The following AXDND1 variants were observed in gnomAD, a reference collection of about 807,000 sequenced individuals.
AXDND1 encodes axonemal dynein light chain domain containing 1.
AXDND1 carries 110 observed loss-of-function variants against 137.5 expected under a neutral mutation model. That is an observed-to-expected ratio of 0.80 (90% CI 0.69 to 0.94). The LOEUF is 0.94. AXDND1 is among the 40% of genes least tolerant of loss of function. The probability of loss-of-function intolerance (pLI) is 0.00; values close to 1 mark genes in which losing one functional copy is unlikely to be tolerated. For synonymous variants in AXDND1, 414 were observed against 399.7 expected, an observed-to-expected ratio of 1.04 and a Z score of -0.43; for missense variants, 1,191 against 1,169.8, an observed-to-expected ratio of 1.02 and a Z score of -0.26.
At chr1:179,479,475 CA>C (rs55719902) in intron 17 of AXDND1, among the ~76,000 whole-genome samples, 21 of 133,566 alleles carry the variant, frequency 1.6e-4, no homozygotes, top group East Asian at 2.2e-4. Context: ...AACTCTGTCT[CA>C]AAAAAAAAAA....
intron 9 of AXDND1, among the ~76,000 whole-genome samples, chr1:179,387,741 C>T (rs1445508501): frequency 6.6e-6 from 1 of 152,200 alleles, no homozygotes; most frequent in African/African-American, 2.4e-5. Flanking sequence ...CAAGACAAAA[C>T]TTTTCTGTGT....
chr1:179,529,155 A>G (rs1020930469), intron 23 of AXDND1, among the ~76,000 whole-genome samples: 1 of 152,238 alleles, frequency 6.6e-6, no homozygotes, highest in Non-Finnish European at 1.5e-5. Flanking sequence ...GCTCTAGATC[A>G]GTGTCTTACT....
intron 21 of AXDND1, among the ~76,000 whole-genome samples, chr1:179,513,277 A>T (rs1404023481): frequency 6.6e-6 from 1 of 152,156 alleles, no homozygotes; most frequent in Non-Finnish European, 1.5e-5. Context: ...TCATAAAGGG[A>T]TGCTGGATTT....
intron 12 of AXDND1, among the ~76,000 whole-genome samples, chr1:179,421,346 C>T (rs1166860079): frequency 1.4e-5 from 2 of 145,452 alleles, no homozygotes; most frequent in Non-Finnish European, 1.5e-5. Flanking sequence ...TTCTTCCTTC[C>T]TTCCTTTTCT....
At chr1:179,477,799 C>T (rs1309934069) in intron 17 of AXDND1, among the ~76,000 whole-genome samples, 2 of 152,218 alleles carry the variant, frequency 1.3e-5, no homozygotes, top group Non-Finnish European at 2.9e-5. Context: ...TCCAAAGTCT[C>T]ATCCAAGACA....
At chr1:179,383,306 C>A in intron 7 of AXDND1, 136 bp from the exon 8 acceptor site, 1 of 618,774 alleles carries the variant, frequency 1.6e-6, no homozygotes, top group Non-Finnish European at 2.8e-6. Flanking sequence ...TTAATAGACA[C>A]AGGTCTAATG....
chr1:179,516,339 T>A (rs933587777), intron 21 of AXDND1, among the ~76,000 whole-genome samples: 4 of 152,192 alleles, frequency 2.6e-5, no homozygotes, highest in Non-Finnish European at 5.9e-5. Context: ...TTTCCTTGAA[T>A]ATTTCTCCCT....
At chr1:179,440,120 A>G (rs2125346244) in intron 15 of AXDND1, among the ~76,000 whole-genome samples, 1 of 152,314 alleles carries the variant, frequency 6.6e-6, no homozygotes, top group Non-Finnish European at 1.5e-5. Context: ...TTGGCTTCCT[A>G]TACCCCCTTT....
rs575381824 is a variant in AXDND1 at position 179,466,400 on chromosome 1, T to C, written c.1799-2043T>C. Among the ~76,000 whole-genome samples, 69 of 151,256 alleles carry C rather than the reference T, an allele frequency of 4.6e-4. 3 individuals are homozygous for C. The South Asian group carries it at 0.015, about 32-fold the overall frequency. ...TTGACCTCTCAAAGTGCTGGGATTA[T>C]AGGCATGAGCCACTGCGCTGGGCCT... On this transcript the variant is annotated intron_variant, in intron 16 of 25. Transcript: ENST00000367618.
chr1:179,475,483 G>A (rs1373641047), intron 17 of AXDND1, among the ~76,000 whole-genome samples: 1 of 152,216 alleles, frequency 6.6e-6, no homozygotes, highest in South Asian at 2.1e-4. Context: ...TTATTTAGAA[G>A]CTTTAAGATT....
chr1:179,407,050 G>A (rs1166774487), intron 11 of AXDND1, among the ~76,000 whole-genome samples: 1 of 151,908 alleles, frequency 6.6e-6, no homozygotes, highest in African/African-American at 2.4e-5. Flanking sequence ...ACACTGATGT[G>A]TTTGCATGAT....
chr1:179,505,874 G>T (rs1668493427), intron 20 of AXDND1, among the ~76,000 whole-genome samples: 1 of 152,174 alleles, frequency 6.6e-6, no homozygotes, highest in Non-Finnish European at 1.5e-5. Context: ...GGCATAGCTT[G>T]ATCCAGTCTG....
At chr1:179,476,211 A>G (rs560835380) in intron 17 of AXDND1, among the ~76,000 whole-genome samples, 2 of 152,176 alleles carry the variant, frequency 1.3e-5, no homozygotes, top group South Asian at 2.1e-4. Flanking sequence ...ACAAAAATAC[A>G]TTGTTATAAT....
rs200549047 is a variant in AXDND1 at position 179,534,792 on chromosome 1, A to G, written c.2861A>G (p.His954Arg). Reference sequence around the variant, plus strand: ...TTTGAAGATGCATATGAGAAACTTCATCATACCCTTATAAAAAATAAAGAT... The same window carrying G: ...TTTGAAGATGCATATGAGAAACTTCGTCATACCCTTATAAAAAATAAAGAT... ...EKFEDAYEKLHHTLIKNKDLE... is the reference protein window; with the variant it reads ...EKFEDAYEKLRHTLIKNKDLE... Residue 954 changes from histidine (H) to arginine (R), a missense_variant, in exon 25 of 26, where the codon CAT becomes CGT. Coordinates refer to ENST00000367618, the MANE Select transcript of AXDND1 (RefSeq NM_144696.6). The G allele has an allele frequency of 1.9e-6, 3 of 1,606,542 alleles. No individual in the cohort carries two copies. The highest frequency in any genetic ancestry group is 1.3e-5 in the African/African-American group (1 of 74,460).
chr1:179,529,541 T>C, intron 23 of AXDND1, among the ~76,000 whole-genome samples: 1 of 152,196 alleles, frequency 6.6e-6, no homozygotes, highest in South Asian at 2.1e-4. Context: ...TAGAAACAGG[T>C]TACCTTGGTG....
chr1:179,429,860 A>G (rs1433960457), intron 13 of AXDND1, among the ~76,000 whole-genome samples: 1 of 151,138 alleles, frequency 6.6e-6, no homozygotes, highest in African/African-American at 2.4e-5. Flanking sequence ...TACAATTATG[A>G]TCCTATTGAT....
At chr1:179,435,588 A>G (rs746287565) in intron 15 of AXDND1, among the ~76,000 whole-genome samples, 28 of 152,208 alleles carry the variant, frequency 1.8e-4, no homozygotes, top group Middle Eastern at 6.3e-3. Flanking sequence ...AAAACATGCA[A>G]TGGGGAAAAG....
At chr1:179,551,500 G>A in intron 25 of AXDND1, 1 of 1,608,304 alleles carries the variant, frequency 6.2e-7, no homozygotes, top group Non-Finnish European at 8.5e-7. Context: ...ATTCCCTGAA[G>A]GCTTCACCAC....
At chr1:179,537,248 C>A (rs190841462) in intron 25 of AXDND1, among the ~76,000 whole-genome samples, 1 of 152,080 alleles carries the variant, frequency 6.6e-6, no homozygotes, top group Admixed American at 6.6e-5. Context: ...AACACTATGT[C>A]GAATAGGAGT....
Sources: allele counts gnomAD v4.1 joint callset (sites outside exome capture counted in the v4.1 genomes callset), GRCh38; gene constraint gnomAD v4.1.1; transcripts MANE v1.5; gene names NCBI Gene and HGNC (gene_info 2026-07-23, HGNC 2026-07-21).